The following SLC26A7 variants were observed in gnomAD, a reference collection of about 807,000 sequenced individuals.
SLC26A7 encodes the protein solute carrier family 26 member 7.
Under a neutral mutation model 82.5 loss-of-function variants are expected in SLC26A7, and 59 were observed. That is an observed-to-expected ratio of 0.72 (90% confidence interval 0.58 to 0.89). SLC26A7 has a LOEUF of 0.89. SLC26A7 is among the 40% of genes least tolerant of loss of function. SLC26A7 has a pLI of 0.00. For synonymous variants in SLC26A7, 271 were observed against 274.3 expected, an observed-to-expected ratio of 0.99 and a Z score of 0.12; for missense variants, 820 against 793.0, an observed-to-expected ratio of 1.03 and a Z score of -0.41.
At chr8:91,365,373 C>T (rs1814164332) in intron 13 of SLC26A7, among the ~76,000 whole-genome samples, 1 of 152,118 alleles carries the variant, frequency 6.6e-6, no homozygotes, top group African/African-American at 2.4e-5. Flanking sequence ...TTGTATTGGG[C>T]TGCATTCAAA....
At chr8:91,302,950 T>G (rs1563668948) in intron 4 of SLC26A7, among the ~76,000 whole-genome samples, 1 of 152,082 alleles carries the variant, frequency 6.6e-6, no homozygotes, top group African/African-American at 2.4e-5. Context: ...TTCTGACAGT[T>G]GATAATGCAG....
chr8:91,257,067 C>T (rs1810824301), intron 2 of SLC26A7, among the ~76,000 whole-genome samples: 1 of 152,102 alleles, frequency 6.6e-6, no homozygotes, highest in African/African-American at 2.4e-5. Flanking sequence ...GACATGTCAC[C>T]TGCCTTGATA....
intron 5 of SLC26A7, among the ~76,000 whole-genome samples, chr8:91,319,972 G>C (rs895619744): frequency 6.6e-6 from 1 of 152,112 alleles, no homozygotes; most frequent in Non-Finnish European, 1.5e-5. Context: ...TAAAGGTTTT[G>C]TGTGTGATTT....
chr8:91,211,431 T>TA (rs374291470), intron 1 of SLC26A7, among the ~76,000 whole-genome samples: 1 of 151,068 alleles, frequency 6.6e-6, no homozygotes, highest in Admixed American at 6.6e-5. Context: ...TGTTAGCAGT[T>TA]AAAAAAAATT....
In SLC26A7 at chr8:91,367,199, G is replaced by A. The variant is rs868853729; in HGVS notation, c.1626+482G>A. Among the ~76,000 whole-genome samples, 54 of 152,126 alleles carry A rather than the reference G, an allele frequency of 3.5e-4. 2 individuals carry two copies. The highest frequency in any genetic ancestry group is 3.4e-3 in the Middle Eastern group (1 of 294). On this transcript the variant is annotated intron_variant, in intron 14 of 18. Coordinates refer to ENST00000276609, the MANE Select transcript of SLC26A7 (RefSeq NM_052832.4). ...ATTTGTTTGTATTTTTAGTGGAGAC[G>A]GGGTTTCATGGTGTTAGCCAGGATG...
intron 2 of SLC26A7, among the ~76,000 whole-genome samples, chr8:91,274,948 G>T (rs1811368164): frequency 6.6e-6 from 1 of 152,082 alleles, no homozygotes; most frequent in Non-Finnish European, 1.5e-5. Context: ...GCCAAGGATG[G>T]GTACTTTGAA....
At chr8:91,357,866 C>A (rs375182926) in intron 11 of SLC26A7, among the ~76,000 whole-genome samples, 1 of 152,166 alleles carries the variant, frequency 6.6e-6, no homozygotes, top group Non-Finnish European at 1.5e-5. Context: ...ACTCATCTGA[C>A]AAAGGGCTAA....
intron 6 of SLC26A7, among the ~76,000 whole-genome samples, chr8:91,336,201 G>T (rs1813237325): frequency 6.6e-6 from 1 of 152,072 alleles, no homozygotes; most frequent in Non-Finnish European, 1.5e-5. Context: ...CTCCCACAGA[G>T]CTCCCTTCTT....
At chr8:91,269,297 C>G (rs1251141363) in intron 2 of SLC26A7, among the ~76,000 whole-genome samples, 1 of 151,320 alleles carries the variant, frequency 6.6e-6, no homozygotes, top group African/African-American at 2.4e-5. Flanking sequence ...ATTTCCTCAT[C>G]TTGTTTGTGT....
intron 4 of SLC26A7, among the ~76,000 whole-genome samples, chr8:91,313,142 C>A (rs930842287): frequency 6.6e-6 from 1 of 152,104 alleles, no homozygotes; most frequent in Non-Finnish European, 1.5e-5. Context: ...GATCTTTGAA[C>A]CATTTTGATT....
intron 8 of SLC26A7, chr8:91,342,889 G>T (rs1813458708): frequency 6.4e-6 from 1 of 156,542 alleles, no homozygotes; most frequent in Non-Finnish European, 1.4e-5. Flanking sequence ...GTGATGGCCA[G>T]GGAGGTAGGA....
At chr8:91,225,050 C>T (rs79205009) in intron 2 of SLC26A7, among the ~76,000 whole-genome samples, 2,976 of 152,300 alleles carry the variant, frequency 0.02, 34 homozygotes, top group Middle Eastern at 0.034. Flanking sequence ...GGGGAAAAAG[C>T]GCAGCCTGGA....
At chr8:91,236,328 T>C (rs1425958960) in intron 2 of SLC26A7, among the ~76,000 whole-genome samples, 1 of 152,156 alleles carries the variant, frequency 6.6e-6, no homozygotes, top group Admixed American at 6.5e-5. Flanking sequence ...TTTCAGGGAA[T>C]AATAGAGTTA....
intron 2 of SLC26A7, among the ~76,000 whole-genome samples, chr8:91,269,362 T>C (rs1193356361): frequency 1.3e-5 from 2 of 152,096 alleles, no homozygotes; most frequent in African/African-American, 4.8e-5. Flanking sequence ...AGTACATATA[T>C]TGGTGTGGTA....
chr8:91,321,167 A>G (rs1224156284), intron 5 of SLC26A7, among the ~76,000 whole-genome samples: 1 of 152,196 alleles, frequency 6.6e-6, no homozygotes, highest in Non-Finnish European at 1.5e-5. Context: ...TTGGATGAGT[A>G]TGAACAGCTA....
chr8:91,276,599 T>C (rs1254702906), intron 2 of SLC26A7, among the ~76,000 whole-genome samples: 1 of 152,164 alleles, frequency 6.6e-6, no homozygotes, highest in Non-Finnish European at 1.5e-5. Flanking sequence ...GAACTGACCA[T>C]TCTCATTTCC....
intron 6 of SLC26A7, among the ~76,000 whole-genome samples, chr8:91,335,181 ATGT>A (rs976148341): frequency 6.6e-6 from 1 of 152,126 alleles, no homozygotes; most frequent in African/African-American, 2.4e-5. Context: ...TATATGATAA[ATGT>A]TGTCTAAATA....
At chr8:91,232,182 A>G (rs943701149) in intron 2 of SLC26A7, among the ~76,000 whole-genome samples, 1 of 152,204 alleles carries the variant, frequency 6.6e-6, no homozygotes, top group Non-Finnish European at 1.5e-5. Context: ...AGAAATTTTC[A>G]TGGAACTCAA....
At chr8:91,392,870 A>G (rs1252007667) in intron 16 of SLC26A7, among the ~76,000 whole-genome samples, 1 of 152,170 alleles carries the variant, frequency 6.6e-6, no homozygotes, top group Non-Finnish European at 1.5e-5. Flanking sequence ...CCTTGAATTA[A>G]TCATTTTAAC....
Sources: allele counts gnomAD v4.1 joint callset (sites outside exome capture counted in the v4.1 genomes callset), GRCh38; gene constraint gnomAD v4.1.1; transcripts MANE v1.5; gene names NCBI Gene and HGNC (gene_info 2026-07-23, HGNC 2026-07-21).